EXOC4: variants seen among roughly 807,000 people sequenced by gnomAD.
The protein encoded by EXOC4 is SEC8-like 1.
Under a neutral mutation model 107.2 loss-of-function variants are expected in EXOC4, and 71 were observed. The ratio of observed to expected loss-of-function variants is 0.66; its 90% CI spans 0.55 to 0.81. The LOEUF (loss-of-function observed/expected upper bound fraction) is 0.81, where lower values mean the gene tolerates loss of function less well. Among genes scored for constraint, EXOC4 ranks in the 30% least tolerant of loss-of-function variants. The probability of loss-of-function intolerance (pLI) is 0.00; values close to 1 mark genes in which losing one functional copy is unlikely to be tolerated. For missense variants in EXOC4, 1,108 were observed against 1,189.6 expected, an observed-to-expected ratio of 0.93 and a Z score of 1.01; for synonymous variants, 456 against 441.2, an observed-to-expected ratio of 1.03 and a Z score of -0.42.
At chr7:133,718,642 C>T (rs1226820647) in intron 10 of EXOC4, among the ~76,000 whole-genome samples, 3 of 152,076 alleles carry the variant, frequency 2.0e-5, no homozygotes, top group Non-Finnish European at 4.4e-5. Flanking sequence ...AACCTGAGGC[C>T]CTTAATGTCT....
In EXOC4 at chr7:133,530,921, T is replaced by C. The variant is rs540685015; in HGVS notation, c.1417+50783T>C. ...CATATGGTTTGGCAAATTAACTGCATAACCTTGAATGTAGTCAAGGGGCTT... is the reference window on the plus strand; with the variant it reads ...CATATGGTTTGGCAAATTAACTGCACAACCTTGAATGTAGTCAAGGGGCTT... On this transcript the variant is annotated intron_variant, in intron 9 of 17. Transcript: ENST00000253861. Among the ~76,000 whole-genome samples, 4 of 152,274 alleles carry C rather than the reference T, an allele frequency of 2.6e-5. No individual in the cohort carries two copies. In the East Asian group the frequency reaches 7.7e-4, roughly 29 times the overall value.
At chr7:133,852,245 C>T (rs1177939390) in intron 11 of EXOC4, among the ~76,000 whole-genome samples, 22 of 142,052 alleles carry the variant, frequency 1.5e-4, no homozygotes, top group African/African-American at 5.4e-4. Flanking sequence ...TTTTTTGAGA[C>T]GGAGTCTTGC....
chr7:133,933,860 G>A (rs1054110080), intron 13 of EXOC4, among the ~76,000 whole-genome samples: 1 of 152,178 alleles, frequency 6.6e-6, no homozygotes, highest in Admixed American at 6.5e-5. Context: ...GTGGTGAGAC[G>A]TTCCGTTTTT....
intron 17 of EXOC4, among the ~76,000 whole-genome samples, chr7:134,061,922 G>A (rs768536521): frequency 1.7e-4 from 26 of 152,268 alleles, no homozygotes; most frequent in African/African-American, 3.4e-4. Flanking sequence ...CAAAGTTCAC[G>A]TGAGTTTTAT....
chr7:133,830,341 T>C (rs985049829), intron 11 of EXOC4, among the ~76,000 whole-genome samples: 1 of 152,240 alleles, frequency 6.6e-6, no homozygotes, highest in Non-Finnish European at 1.5e-5. Flanking sequence ...GTGAGCAGCC[T>C]GCCCGAGCAG....
In EXOC4 at chr7:133,635,682, A is replaced by G. The variant is rs182109334; in HGVS notation, c.1514+5541A>G. 7.9e-5 allele frequency among the ~76,000 whole-genome samples: 12 copies of G among 152,332 alleles called. No individual in the cohort carries two copies. The East Asian group carries it at 1.9e-3, about 25-fold the overall frequency. ...GTTAAACAGGTGGAATTGTCAAAGA[A>G]GGATGGCAGCACTTAATGCAGCCCA... On this transcript the variant is annotated intron_variant, in intron 10 of 17. Transcript: ENST00000253861.
intron 7 of EXOC4, among the ~76,000 whole-genome samples, chr7:133,436,694 A>G (rs1797983781): frequency 4.6e-5 from 7 of 152,174 alleles, no homozygotes; most frequent in Admixed American, 4.6e-4. Context: ...GTGGCTTTCA[A>G]TTTGATTTAA....
the EXOC4 span, among the ~76,000 whole-genome samples, chr7:134,073,451 A>G: frequency 6.7e-6 from 1 of 149,726 alleles, no homozygotes; most frequent in African/African-American, 2.5e-5. Context: ...AGGGTTTTGC[A>G]TCTCGTTGCC....
At chr7:133,287,390 A>C (rs1794306109) in intron 2 of EXOC4, among the ~76,000 whole-genome samples, 1 of 152,010 alleles carries the variant, frequency 6.6e-6, no homozygotes, top group South Asian at 2.1e-4. Context: ...GGCTCACTGC[A>C]AGCTCTGCCT....
chr7:133,915,420 G>A (rs991071273), intron 12 of EXOC4, among the ~76,000 whole-genome samples: 3 of 152,212 alleles, frequency 2.0e-5, no homozygotes, highest in Admixed American at 6.5e-5. Context: ...ACATATTTCT[G>A]TTGGGGGTAG....
At chr7:133,530,379 A>G (rs543038774) in intron 9 of EXOC4, among the ~76,000 whole-genome samples, 1 of 152,296 alleles carries the variant, frequency 6.6e-6, no homozygotes, top group Admixed American at 6.5e-5. Flanking sequence ...ACAAACCCAG[A>G]TGGCATAGCC....
chr7:133,842,128 C>T (rs1315647302), intron 11 of EXOC4, among the ~76,000 whole-genome samples: 1 of 152,146 alleles, frequency 6.6e-6, no homozygotes, highest in Non-Finnish European at 1.5e-5. Context: ...TTGCATGTGT[C>T]TTTATGTTAG....
intron 2 of EXOC4, among the ~76,000 whole-genome samples, chr7:133,287,637 C>G (rs1421092184): frequency 6.6e-6 from 1 of 152,174 alleles, no homozygotes; most frequent in Non-Finnish European, 1.5e-5. Context: ...AGAGAGGTTA[C>G]AAGGTCTTCT....
In EXOC4 at chr7:133,927,454, C is replaced by T. The variant is rs997114426; in HGVS notation, c.2027+9716C>T. Among the ~76,000 whole-genome samples the T allele has an allele frequency of 2.0e-5, 3 of 152,074 alleles. No homozygotes were observed. The South Asian group carries it at 6.2e-4, about 32-fold the overall frequency. ...TGTTGGGAATTTGAAAGGTTCTCAA[C>T]GTAATATAAGCAACAGCTGTTAAAA... On this transcript the variant is annotated intron_variant, in intron 13 of 17. Transcript: ENST00000253861.
chr7:133,561,391 T>G (rs1584999158), intron 9 of EXOC4, among the ~76,000 whole-genome samples: 1 of 152,318 alleles, frequency 6.6e-6, no homozygotes, highest in East Asian at 1.9e-4. Context: ...CTAAGCCCCT[T>G]AATTTATTCA....
intron 10 of EXOC4, among the ~76,000 whole-genome samples, chr7:133,811,558 A>G (rs1299332101): frequency 3.3e-5 from 5 of 152,250 alleles, no homozygotes; most frequent in Non-Finnish European, 7.3e-5. Context: ...AAATAATTCA[A>G]CAGAAGCAAA....
intron 9 of EXOC4, among the ~76,000 whole-genome samples, chr7:133,493,431 T>G (rs192083857): frequency 6.6e-6 from 1 of 152,190 alleles, no homozygotes; most frequent in Admixed American, 6.5e-5. Flanking sequence ...AGCGATACTC[T>G]GTCTCAAAGC....
intron 7 of EXOC4, among the ~76,000 whole-genome samples, chr7:133,400,578 G>A (rs1319940498): frequency 2.0e-5 from 3 of 152,080 alleles, no homozygotes; most frequent in South Asian, 2.1e-4. Flanking sequence ...CTACTGTGTC[G>A]CATCACTGAA....
At chr7:133,645,763 A>G (rs976809528) in intron 10 of EXOC4, among the ~76,000 whole-genome samples, 7 of 152,146 alleles carry the variant, frequency 4.6e-5, no homozygotes, top group Non-Finnish European at 7.3e-5. Context: ...TTTTCATCCA[A>G]TGTTTCTTCT....
Sources: gnomAD v4.1 joint callset for allele counts (sites outside exome capture counted in the v4.1 genomes callset) on GRCh38, gnomAD v4.1.1 for gene constraint, MANE v1.5 for transcripts, NCBI Gene and HGNC (gene_info 2026-07-23, HGNC 2026-07-21) for gene names.